The following OSBP2 variants were observed in gnomAD, a reference collection of about 807,000 sequenced individuals.
OSBP2 encodes the protein oxysterol-binding protein 2.
In OSBP2, 66 loss-of-function variants were observed where a neutral mutation model predicts 96.0. That is an observed-to-expected ratio of 0.69 (90% CI 0.56 to 0.84). OSBP2 has a LOEUF of 0.84. Ranked by LOEUF, OSBP2 falls within the 40% of genes least tolerant of loss-of-function variation. The pLI is 0.00. For missense variants in OSBP2, 1,038 were observed against 1,222.7 expected (o/e 0.85, Z 2.25); for synonymous variants, 525 against 520.9 (o/e 1.01, Z -0.11).
At position 30,741,209 on chromosome 22, in the gene OSBP2, C is replaced by T. The variant is rs762712692; in HGVS notation, c.693C>T (p.Ser231=). 6.2e-7 allele frequency: 1 copy of T among 1,614,178 alleles called. No individual in the cohort carries two copies. Among genetic ancestry groups the T allele is most frequent in the South Asian group, 1.1e-5 (1 of 91,084 alleles). The change falls in exon 2 of 14, where the codon TCC becomes TCT. Residue 231 remains serine (S), a synonymous_variant. Transcript: ENST00000332585. Reference sequence around the variant, plus strand: ...CGTGCCGTGGAACCATCAACCTGTCCACCGCGCACATTGACACGGAGGACT... The same window carrying T: ...CGTGCCGTGGAACCATCAACCTGTCTACCGCGCACATTGACACGGAGGACT... ...AHTCRGTINL[S]TAHIDTEDSC...
In OSBP2 at chr22:30,870,712, G is replaced by A. The variant is rs200271960; in HGVS notation, c.1107+30G>A. The A allele has an allele frequency of 2.6e-5, 41 of 1,601,514 alleles. No individual in the cohort carries two copies. The East Asian group carries it at 6.3e-4, about 25-fold the overall frequency. On this transcript the variant is annotated intron_variant, in intron 3 of 13. Coordinates refer to ENST00000332585, the MANE Select transcript of OSBP2 (RefSeq NM_030758.4). This position sits in a 1 kb window ranked among gnomAD's most constrained non-coding sequence, Gnocchi z 4.1. ...GTACCCACCCCCACCGCCCTGGCAC[G>A]GGGCTCCCTGGCTCCAGCCCCGGGG...
At chr22:30,873,351 G>C (rs1280678594) in intron 3 of OSBP2, among the ~76,000 whole-genome samples, 1 of 152,148 alleles carries the variant, frequency 6.6e-6, no homozygotes, top group African/African-American at 2.4e-5. Context: ...CGCACCCTGG[G>C]CGGGATCCCA....
At chr22:30,760,260 A>G (rs995714904) in intron 2 of OSBP2, among the ~76,000 whole-genome samples, 4 of 152,038 alleles carry the variant, frequency 2.6e-5, no homozygotes, top group Non-Finnish European at 2.9e-5. Flanking sequence ...GGCCTCCCAA[A>G]GTGCTAGGAT....
Position 30,893,728 on chromosome 22 carries a change from C to T in OSBP2, c.2185C>T (p.Arg729Trp), listed in dbSNP as rs1009182762. Reference protein sequence around the residue: ...PYSYFSKEAARKVTGVVSDSQ... With the variant: ...PYSYFSKEAAWKVTGVVSDSQ... ...CAGCTACTTCTCCAAAGAGGCAGCC[C>T]GGAAGGTAAGCAGGACCAGCCACCT... The change falls in exon 11 of 14, where the codon CGG (arginine) becomes TGG (tryptophan). Residue 729 changes from arginine to tryptophan, a missense_variant. Arg to Trp is a moderately radical substitution (Grantham distance 101). This residue lies in a region of OSBP2 where 737 missense variants were observed against 913.3 expected (regional missense o/e 0.81). Coordinates refer to ENST00000332585, the MANE Select transcript of OSBP2 (RefSeq NM_030758.4). 4.3e-6 allele frequency: 7 copies of T among 1,614,022 alleles called. No individual in the cohort carries two copies. The highest frequency in any genetic ancestry group is 5.9e-6 in the Non-Finnish European group (7 of 1,179,930).
At chr22:30,752,625 G>T (rs7293181) in intron 2 of OSBP2, among the ~76,000 whole-genome samples, 11,485 of 151,964 alleles carry the variant, frequency 0.076, 978 homozygotes, top group African/African-American at 0.21. Context: ...CCTCCAAGTA[G>T]CAGGCTTCAG....
At position 30,893,014 on chromosome 22, in the gene OSBP2, A is replaced by G. The variant is rs868792877; in HGVS notation, c.1870-108A>G. 3.3e-5 allele frequency: 47 copies of G among 1,433,828 alleles called. No homozygotes were observed. In the Middle Eastern group the frequency reaches 1.8e-3, roughly 55 times the overall value. 88.8% of individuals were successfully genotyped at this position (1,433,828 alleles called of 1,614,324 possible). On this transcript the variant is annotated intron_variant, in intron 8 of 13. Coordinates refer to ENST00000332585, the MANE Select transcript of OSBP2 (RefSeq NM_030758.4). ...AACAGCCAGGACTGCTCCTATGGCC[A>G]CAGAGCTGTGCCTGCTGAGGCAGGG...
chr22:30,810,170 T>C (rs886942498), intron 2 of OSBP2, among the ~76,000 whole-genome samples: 1 of 151,824 alleles, frequency 6.6e-6, no homozygotes, highest in Non-Finnish European at 1.5e-5. Context: ...GAGAAGACGA[T>C]GGGAGAGAGG....
At chr22:30,824,810 C>A (rs1385993571) in intron 2 of OSBP2, among the ~76,000 whole-genome samples, 1 of 152,170 alleles carries the variant, frequency 6.6e-6, no homozygotes, top group African/African-American at 2.4e-5. Context: ...CTCCGGGATG[C>A]CGAGGGATGA....
chr22:30,868,034 G>A (rs1369508310), intron 2 of OSBP2, among the ~76,000 whole-genome samples: 1 of 152,238 alleles, frequency 6.6e-6, no homozygotes, highest in Admixed American at 6.5e-5. Context: ...GGCTACTCAG[G>A]AATTTCCTCA....
At chr22:30,695,621 G>T (rs2089015339) in intron 1 of OSBP2, 68 bp downstream of exon 1, 9 of 1,540,838 alleles carry the variant, frequency 5.8e-6, no homozygotes, top group Middle Eastern at 3.5e-4. Context: ...GTGATGGAGG[G>T]CCTCCATGGT....
intron 2 of OSBP2, among the ~76,000 whole-genome samples, chr22:30,819,733 A>G (rs1388022928): frequency 6.6e-6 from 1 of 152,120 alleles, no homozygotes; most frequent in Non-Finnish European, 1.5e-5. Context: ...TTTTTTCTGT[A>G]CCATTTTCAT....
chr22:30,728,116 GC>G (rs1223947005), intron 1 of OSBP2, among the ~76,000 whole-genome samples: 1 of 151,220 alleles, frequency 6.6e-6, no homozygotes, highest in Admixed American at 6.6e-5. Context: ...AAAATAAAGG[GC>G]CGGGCACGGT....
chr22:30,903,932 C>T (rs545395126), intron 12 of OSBP2, among the ~76,000 whole-genome samples: 65 of 152,324 alleles, frequency 4.3e-4, no homozygotes, highest in African/African-American at 1.4e-3. Flanking sequence ...TTCAGATGAT[C>T]GTATAGGACT....
intron 1 of OSBP2, among the ~76,000 whole-genome samples, chr22:30,738,429 T>G (rs886080887): frequency 1.3e-5 from 2 of 152,178 alleles, no homozygotes; most frequent in Non-Finnish European, 2.9e-5. Context: ...AGAGTGACTG[T>G]CCTTCGAACA....
At chr22:30,730,067 A>G (rs1486529704) in intron 1 of OSBP2, among the ~76,000 whole-genome samples, 1 of 151,874 alleles carries the variant, frequency 6.6e-6, no homozygotes, top group African/African-American at 2.4e-5. Flanking sequence ...GGTTCAAGCG[A>G]TTCTCGTGTC....
At position 30,821,799 on chromosome 22, in the gene OSBP2, A is replaced by T. The variant is rs1332158173; in HGVS notation, c.854-48630A>T. Among the ~76,000 whole-genome samples, 11 of 152,258 alleles carry T rather than the reference A, an allele frequency of 7.2e-5. No individual in the cohort carries two copies. In the East Asian group the frequency reaches 2.1e-3, roughly 29 times the overall value. On this transcript the variant is annotated intron_variant, in intron 2 of 13. Transcript: ENST00000332585. ...TAGGATTCTTTAACCTTGTAGACCT[A>T]AAAGACACAGAGGCAGTTAATTTCA...
chr22:30,888,924 T>G (rs149573889), intron 5 of OSBP2, among the ~76,000 whole-genome samples: 200 of 152,202 alleles, frequency 1.3e-3, no homozygotes, highest in African/African-American at 4.6e-3. Flanking sequence ...GACACAATGG[T>G]TAAGGATTTG....
intron 1 of OSBP2, among the ~76,000 whole-genome samples, chr22:30,726,169 C>T (rs2089647538): frequency 6.6e-6 from 1 of 152,190 alleles, no homozygotes; most frequent in Non-Finnish European, 1.5e-5. Context: ...ATAAATTACT[C>T]TCATCCTATG....
chr22:30,829,532 G>A (rs1362671956), intron 2 of OSBP2, among the ~76,000 whole-genome samples: 27 of 152,138 alleles, frequency 1.8e-4, no homozygotes, highest in Admixed American at 1.8e-3. Flanking sequence ...AACTCAAATG[G>A]TCTGCCTGCC....
Sources: allele counts gnomAD v4.1 joint callset (sites outside exome capture counted in the v4.1 genomes callset), GRCh38; gene constraint gnomAD v4.1.1; regional missense constraint gnomAD v4.1.1; non-coding constraint Gnocchi (gnomAD v3.1); transcripts MANE v1.5; gene names NCBI Gene and HGNC (gene_info 2026-07-23, HGNC 2026-07-21).